Variants in CNTNAP2 observed in about 807,000 individuals in gnomAD.
CNTNAP2 encodes contactin-associated protein-like 2.
A neutral mutation model predicts 155.2 loss-of-function variants in CNTNAP2; 98 were observed. The observed-to-expected ratio is 0.63, with a 90% confidence interval of 0.54 to 0.75. The LOEUF is 0.75. Among genes scored for constraint, CNTNAP2 ranks in the 30% least tolerant of loss-of-function variants. The pLI is 0.00. For synonymous variants in CNTNAP2, 651 were observed against 631.2 expected, an observed-to-expected ratio of 1.03 and a Z score of -0.47; for missense variants, 1,727 against 1,688.1, an observed-to-expected ratio of 1.02 and a Z score of -0.40.
intron 1 of CNTNAP2, among the ~76,000 whole-genome samples, chr7:146,142,872 G>T (rs779298504): frequency 2.0e-5 from 3 of 152,162 alleles, no homozygotes; most frequent in Non-Finnish European, 4.4e-5. Flanking sequence ...GCCCATTTTA[G>T]AAATGTTTCA....
chr7:147,019,519 T>G (rs986238656), intron 3 of CNTNAP2, among the ~76,000 whole-genome samples: 2 of 152,092 alleles, frequency 1.3e-5, no homozygotes, highest in African/African-American at 4.8e-5. Flanking sequence ...CTTTATAGGT[T>G]AAATTTTAAT....
intron 1 of CNTNAP2, among the ~76,000 whole-genome samples, chr7:146,470,507 A>G (rs1468271337): frequency 1.3e-5 from 2 of 152,036 alleles, no homozygotes; most frequent in Non-Finnish European, 2.9e-5. Flanking sequence ...TTCCTGAATG[A>G]ATCTTTCTAA....
intron 3 of CNTNAP2, among the ~76,000 whole-genome samples, chr7:146,904,723 G>A (rs990400863): frequency 6.6e-5 from 10 of 152,082 alleles, no homozygotes; most frequent in Admixed American, 3.9e-4. Context: ...CGCCCACCTC[G>A]GCCTCCCAAA....
intron 8 of CNTNAP2, among the ~76,000 whole-genome samples, chr7:147,148,124 C>T (rs1188892322): frequency 2.0e-5 from 3 of 152,100 alleles, no homozygotes; most frequent in Non-Finnish European, 4.4e-5. Flanking sequence ...GGCGCGGTGG[C>T]TCACGCCTGT....
intron 1 of CNTNAP2, among the ~76,000 whole-genome samples, chr7:146,498,267 C>T (rs1797249315): frequency 1.3e-5 from 2 of 152,150 alleles, no homozygotes; most frequent in South Asian, 4.1e-4. Flanking sequence ...CATTTCCCTT[C>T]AGGAACTGTA....
chr7:146,623,450 C>T (rs554658006), intron 1 of CNTNAP2, among the ~76,000 whole-genome samples: 1 of 152,268 alleles, frequency 6.6e-6, no homozygotes, highest in South Asian at 2.1e-4. Flanking sequence ...ACAGAAAACC[C>T]TGCAACTAAT....
At chr7:147,375,523 G>T (rs973271187) in intron 9 of CNTNAP2, among the ~76,000 whole-genome samples, 5 of 151,996 alleles carry the variant, frequency 3.3e-5, no homozygotes, top group African/African-American at 1.2e-4. Flanking sequence ...GGAACAGAAG[G>T]TTACATGGCT....
At chr7:147,587,096 T>TA (rs982312661) in intron 12 of CNTNAP2, among the ~76,000 whole-genome samples, 37 of 152,192 alleles carry the variant, frequency 2.4e-4, no homozygotes, top group Non-Finnish European at 7.4e-5. Context: ...GCAGCTAAAA[T>TA]ACATTTAATT....
chr7:148,010,085 T>C (rs1336636317), intron 15 of CNTNAP2, among the ~76,000 whole-genome samples: 1 of 152,108 alleles, frequency 6.6e-6, no homozygotes, highest in Non-Finnish European at 1.5e-5. Flanking sequence ...ACAGTTAGTA[T>C]TGGCAAATTC....
chr7:146,262,295 G>T (rs988104272), intron 1 of CNTNAP2, among the ~76,000 whole-genome samples: 2 of 152,036 alleles, frequency 1.3e-5, no homozygotes, highest in African/African-American at 4.8e-5. Context: ...TGACCCCCTT[G>T]GTAACCATCA....
chr7:148,283,287 G>GTT (rs1797014678), intron 21 of CNTNAP2, among the ~76,000 whole-genome samples: 1 of 84,248 alleles, frequency 1.2e-5, no homozygotes, highest in Non-Finnish European at 2.4e-5. Flanking sequence ...AAGAAAGAAA[G>GTT]AAAGAAAGAA....
chr7:147,980,386 A>G (rs1326985326), intron 15 of CNTNAP2, among the ~76,000 whole-genome samples: 3 of 152,244 alleles, frequency 2.0e-5, no homozygotes, highest in Admixed American at 2.0e-4. Flanking sequence ...ATTTATTCAC[A>G]TTACATGATC....
intron 1 of CNTNAP2, among the ~76,000 whole-genome samples, chr7:146,593,726 A>C (rs1798818002): frequency 6.6e-6 from 1 of 151,696 alleles, no homozygotes; most frequent in African/African-American, 2.4e-5. Flanking sequence ...ATCCCTCCTT[A>C]TTTCTCCTTT....
At chr7:147,423,567 A>G (rs1797332170) in intron 10 of CNTNAP2, among the ~76,000 whole-genome samples, 2 of 152,058 alleles carry the variant, frequency 1.3e-5, no homozygotes, top group African/African-American at 4.8e-5. Flanking sequence ...TGCAGATTTT[A>G]ATGCCTGGTT....
At chr7:147,034,053 T>C (rs560905152) in intron 3 of CNTNAP2, among the ~76,000 whole-genome samples, 1 of 152,274 alleles carries the variant, frequency 6.6e-6, no homozygotes, top group Non-Finnish European at 1.5e-5. Context: ...AATTATATGC[T>C]AAATAAGGGC....
At chr7:148,371,245 C>T (rs1404412113) in intron 21 of CNTNAP2, among the ~76,000 whole-genome samples, 1 of 152,114 alleles carries the variant, frequency 6.6e-6, no homozygotes, top group African/African-American at 2.4e-5. Flanking sequence ...CCCATTGTCC[C>T]AACAAAGGAG....
At chr7:148,182,138 G>A (rs1457619525) in intron 18 of CNTNAP2, among the ~76,000 whole-genome samples, 1 of 152,058 alleles carries the variant, frequency 6.6e-6, no homozygotes, top group Non-Finnish European at 1.5e-5. Context: ...TGTATATGTT[G>A]TTGAGTGTTT....
At chr7:147,580,862 C>T (rs1271619954) in intron 12 of CNTNAP2, among the ~76,000 whole-genome samples, 3 of 152,138 alleles carry the variant, frequency 2.0e-5, no homozygotes, top group Non-Finnish European at 2.9e-5. Context: ...ATGATCCGCC[C>T]GTCTCAGCCT....
intron 3 of CNTNAP2, among the ~76,000 whole-genome samples, chr7:146,866,132 C>G (rs1241083256): frequency 6.6e-6 from 1 of 152,076 alleles, no homozygotes; most frequent in Non-Finnish European, 1.5e-5. Context: ...TTCCCCCCGA[C>G]AGTTTCTCAT....
Sources: gnomAD v4.1 joint callset for allele counts (sites outside exome capture counted in the v4.1 genomes callset) on GRCh38, gnomAD v4.1.1 for gene constraint, MANE v1.5 for transcripts, NCBI Gene and HGNC (gene_info 2026-07-23, HGNC 2026-07-21) for gene names.